The following ACTN2 variants were observed in gnomAD, a reference collection of about 807,000 sequenced individuals.
The protein encoded by ACTN2 is alpha-actinin-2.
A neutral mutation model predicts 113.8 loss-of-function variants in ACTN2; 39 were observed. That is an observed-to-expected ratio of 0.34 (90% CI 0.27 to 0.45). The LOEUF (loss-of-function observed/expected upper bound fraction) is 0.45. ACTN2 is among the 20% of genes least tolerant of loss of function. The pLI is 1.00. For missense variants in ACTN2, 992 were observed against 1,177.9 expected (o/e 0.84, Z 2.31); for synonymous variants, 429 against 444.1 (o/e 0.97, Z 0.43).
intron 7 of ACTN2, among the ~76,000 whole-genome samples, chr1:236,733,200 A>T (rs1489150857): frequency 1.3e-5 from 2 of 152,138 alleles, no homozygotes; most frequent in Non-Finnish European, 2.9e-5. Flanking sequence ...GAGTTTTCCC[A>T]CTTGGGTTAA....
chr1:236,691,042 A>G (rs566583895), intron 1 of ACTN2, among the ~76,000 whole-genome samples: 2 of 150,440 alleles, frequency 1.3e-5, no homozygotes, highest in African/African-American at 4.9e-5. Flanking sequence ...GGTTCAAGCA[A>G]TTCTCCTGCC....
At chr1:236,724,004 G>T (rs1658473760) in intron 4 of ACTN2, among the ~76,000 whole-genome samples, 1 of 152,178 alleles carries the variant, frequency 6.6e-6, no homozygotes, top group Non-Finnish European at 1.5e-5. Flanking sequence ...AGAAATTGTT[G>T]TAGTCTTTCC....
chr1:236,762,501 C>T lies in ACTN2; in HGVS notation c.2567C>T (p.Pro856Leu), dbSNP rs375588211. 1.4e-5 allele frequency: 23 copies of T among 1,614,032 alleles called. No individual in the cohort carries two copies. Among genetic ancestry groups the T allele is most frequent in the African/African-American group, 1.2e-4 (9 of 74,924 alleles). ...GAGGAGCTGCGTCGGGAGCTGCCCC[C>T]GGATCAGGCCCAGTACTGCATCAAG... ...LAEELRRELP[P>L]DQAQYCIKRM... Residue 856 changes from proline (P) to leucine (L), a missense_variant, in exon 21 of 21, where the codon CCG becomes CTG. By Grantham distance (98) the Pro-to-Leu change is moderately conservative. Coordinates refer to ENST00000366578, the MANE Select transcript of ACTN2 (RefSeq NM_001103.4).
Position 236,734,613 on chromosome 1 carries a change from G to A in ACTN2, c.698-1022G>A, listed in dbSNP as rs192303339. The A allele has an allele frequency of 2.6e-4, 219 of 855,250 alleles. 1 individual carries two copies. In the African/African-American group the frequency reaches 3.3e-3, roughly 13 times the overall value. 53.0% of individuals were successfully genotyped at this position (855,250 alleles called of 1,614,324 possible). A position where few individuals can be genotyped will look rare whatever the true frequency, so the allele number is the denominator to read the frequency against. On this transcript the variant is annotated intron_variant, in intron 7 of 20. Coordinates refer to ENST00000366578, the MANE Select transcript of ACTN2 (RefSeq NM_001103.4). ...TCCTCTTTTTTCCCCCCTCTCCTCCGAGTAAGGAGACTGTCTGGTTCCCAG... is the reference window on the plus strand; with the variant it reads ...TCCTCTTTTTTCCCCCCTCTCCTCCAAGTAAGGAGACTGTCTGGTTCCCAG...
intron 1 of ACTN2, among the ~76,000 whole-genome samples, chr1:236,693,770 T>G (rs575515214): frequency 7.9e-4 from 120 of 152,244 alleles, no homozygotes; most frequent in African/African-American, 2.7e-3. Context: ...CTGGCTTTTC[T>G]CCAAGATGCT....
At chr1:236,695,563 T>TTC (rs1553296741) in intron 1 of ACTN2, among the ~76,000 whole-genome samples, 8 of 100,788 alleles carry the variant, frequency 7.9e-5, no homozygotes, top group Non-Finnish European at 9.7e-5. Flanking sequence ...TGAAATGAGT[T>TTC]CCCCCCCCCT....
rs752506418 is a variant in ACTN2, at chr1:236,727,725, C to T, written c.584C>T (p.Pro195Leu). 6.2e-7 allele frequency: 1 copy of T among 1,614,186 alleles called. No individual in the cohort carries two copies. The highest frequency in any genetic ancestry group is 8.5e-7 in the Non-Finnish European group (1 of 1,180,038). ...GLCALIHRHR[P>L]DLIDYSKLNK... ...TGTGCCCTCATCCACCGACACCGGC[C>T]TGACCTCATTGACTACTCAAAGCTT... The change falls in exon 6 of 21, where the codon CCT becomes CTT. Residue 195 changes from proline (P) to leucine (L), a missense_variant. Pro to Leu is a moderately conservative substitution (Grantham distance 98). This residue lies in a region of ACTN2 where 220 missense variants were observed against 337.5 expected (regional missense o/e 0.65). Coordinates refer to ENST00000366578, the MANE Select transcript of ACTN2 (RefSeq NM_001103.4).
chr1:236,725,902 T>G (rs1015954981), intron 4 of ACTN2, 31 bp from the exon 5 acceptor site: 3 of 1,607,082 alleles, frequency 1.9e-6, no homozygotes, highest in Non-Finnish European at 1.7e-6. Context: ...GGCATTTCCC[T>G]GGGGCCACTT....
intron 4 of ACTN2, among the ~76,000 whole-genome samples, chr1:236,724,175 C>T (rs540343113): frequency 6.1e-5 from 9 of 146,692 alleles, no homozygotes; most frequent in African/African-American, 2.0e-4. Flanking sequence ...CTTGATGTGC[C>T]GCACGTGGTG....
intron 1 of ACTN2, among the ~76,000 whole-genome samples, chr1:236,708,344 A>G (rs192160551): frequency 3.7e-4 from 57 of 152,350 alleles, no homozygotes; most frequent in African/African-American, 1.4e-3. Context: ...ACTCATTTAC[A>G]TAATCCTTAC....
In ACTN2 at chr1:236,686,623, C is replaced by T. The variant is rs749017788; in HGVS notation, c.-51C>T. 7.9e-6 allele frequency: 12 copies of T among 1,516,802 alleles called. No individual in the cohort carries two copies. Among genetic ancestry groups the T allele is most frequent in the East Asian group, 2.8e-5 (1 of 35,888 alleles). 94.0% of individuals were successfully genotyped at this position (1,516,802 alleles called of 1,614,324 possible). A position where few individuals can be genotyped will look rare whatever the true frequency, so the allele number is the denominator to read the frequency against. ...CCGTGGGTCCGTTTGCCAGTCAGCC[C>T]GTGCGTCCGAGCCCCTCGCGCCCCG... On this transcript the variant is annotated 5_prime_UTR_variant, in exon 1 of 21. Coordinates refer to ENST00000366578, the MANE Select transcript of ACTN2 (RefSeq NM_001103.4).
At position 236,742,893 on chromosome 1, in the gene ACTN2, C is replaced by T. The variant is rs372488913; in HGVS notation, c.1108-3C>T. On this transcript the variant is annotated splice_polypyrimidine_tract_variant and splice_region_variant and intron_variant, in intron 10 of 20. Coordinates refer to ENST00000366578, the MANE Select transcript of ACTN2 (RefSeq NM_001103.4). Reference sequence around the variant, plus strand: ...TGCTTCCCTTGGCTTCCAACCATCCCAGGATATTGCTGGTGCCTGGCAGAG... The same window carrying T: ...TGCTTCCCTTGGCTTCCAACCATCCTAGGATATTGCTGGTGCCTGGCAGAG... 1.2e-5 allele frequency: 19 copies of T among 1,614,046 alleles called. No individual in the cohort carries two copies. The highest frequency in any genetic ancestry group is 1.5e-5 in the Non-Finnish European group (18 of 1,180,040).
chr1:236,751,910 G>T (rs1169036222), intron 15 of ACTN2, among the ~76,000 whole-genome samples: 1 of 152,124 alleles, frequency 6.6e-6, no homozygotes, highest in Admixed American at 6.5e-5. Flanking sequence ...AACCACTGTA[G>T]GTTATGATCC....
chr1:236,698,140 T>C (rs1448493131), intron 1 of ACTN2, among the ~76,000 whole-genome samples: 4 of 151,976 alleles, frequency 2.6e-5, no homozygotes, highest in Admixed American at 2.0e-4. Flanking sequence ...TGCTCAAGTC[T>C]GTGACATAAA....
chr1:236,762,744 T>C lies in ACTN2; in HGVS notation c.*125T>C. On this transcript the variant is annotated 3_prime_UTR_variant, in exon 21 of 21. Coordinates refer to ENST00000366578, the MANE Select transcript of ACTN2 (RefSeq NM_001103.4). ...AGAGAGAGGGGAAAAAAAAAAGCCT[T>C]TCGTAGTTCAGTAATTGCCAGCAAT... The C allele has an allele frequency of 7.9e-7, 1 of 1,269,754 alleles. No individual in the cohort carries two copies. Among genetic ancestry groups the C allele is most frequent in the Non-Finnish European group, 1.1e-6 (1 of 904,004 alleles). The allele number at this position is 1,269,754 out of a possible 1,614,324, so 78.7% of individuals were successfully genotyped here.
In ACTN2 at chr1:236,739,361, C is replaced by G. The variant is rs1213843359; in HGVS notation, c.936C>G (p.Thr312=). The G allele has an allele frequency of 1.2e-6, 2 of 1,613,964 alleles. No individual in the cohort carries two copies. Among genetic ancestry groups the G allele is most frequent in the Non-Finnish European group, 1.7e-6 (2 of 1,180,040 alleles). ...TGGAGAACCGGACTCCCGAGAAGAC[C>G]ATGCAAGCCATGCAGAAGAAGCTGG... ...PWLENRTPEK[T]MQAMQKKLED... is the part of the protein sequence containing the mutation. Residue 312 remains threonine, a synonymous_variant, in exon 10 of 21, where the codon ACC becomes ACG. Transcript: ENST00000366578.
Position 236,735,726 on chromosome 1 carries a change from C to G in ACTN2, c.783+6C>G. On this transcript the variant is annotated splice_donor_region_variant and intron_variant, in intron 8 of 20. Transcript: ENST00000366578. The stretch of plus-strand genomic sequence containing the variant: ...CTTTTGCGGGCGCGGAGCAGGTACT[C>G]AACACTTGTCCGTCCGGGCTGTTGT... 6.2e-7 allele frequency: 1 copy of G among 1,613,050 alleles called. No homozygotes were observed. Among genetic ancestry groups the G allele is most frequent in the Non-Finnish European group, 8.5e-7 (1 of 1,179,024 alleles).
rs1658594390 is a variant in ACTN2 at position 236,727,698 on chromosome 1, T to C, written c.557T>C (p.Leu186Pro). Residue 186 changes from leucine (L) to proline (P), a missense_variant, in exon 6 of 21, where the codon CTC (leucine) becomes CCC (proline). Leu to Pro is a moderately conservative substitution (Grantham distance 98). Around this residue, in one of 3 missense-constraint regions of ACTN2, gnomAD observed 220 missense variants for 337.5 expected, o/e 0.65. Transcript: ENST00000366578. Reference protein sequence around the residue: ...FHTSWKDGLGLCALIHRHRPD... With the variant: ...FHTSWKDGLGPCALIHRHRPD... ...TGAAGCTGGAAAGATGGCCTTGGACTCTGTGCCCTCATCCACCGACACCGG... is the reference window on the plus strand; with the variant it reads ...TGAAGCTGGAAAGATGGCCTTGGACCCTGTGCCCTCATCCACCGACACCGG... The C allele has an allele frequency of 6.2e-7, 1 of 1,614,092 alleles. No individual in the cohort carries two copies. The highest frequency in any genetic ancestry group is 8.5e-7 in the Non-Finnish European group (1 of 1,179,966).
chr1:236,704,139 G>A (rs1199699573), intron 1 of ACTN2, among the ~76,000 whole-genome samples: 1 of 152,200 alleles, frequency 6.6e-6, no homozygotes, highest in East Asian at 1.9e-4. Context: ...ACAGTCGTTA[G>A]TTTCACAGGA....
Sources: allele counts gnomAD v4.1 joint callset (sites outside exome capture counted in the v4.1 genomes callset), GRCh38; gene constraint gnomAD v4.1.1; regional missense constraint gnomAD v4.1.1; transcripts MANE v1.5; gene names NCBI Gene and HGNC (gene_info 2026-07-23, HGNC 2026-07-21).